Variants in TDRD3 observed in about 807,000 individuals in gnomAD.
The protein encoded by TDRD3 is tudor domain-containing protein 3.
Under a neutral mutation model 86.7 loss-of-function variants are expected in TDRD3, and 45 were observed. That is an observed-to-expected ratio of 0.52 (90% CI 0.41 to 0.67). The LOEUF (loss-of-function observed/expected upper bound fraction) is 0.67, where lower values mean the gene tolerates loss of function less well. Among genes scored for constraint, TDRD3 ranks in the 30% least tolerant of loss-of-function variants. TDRD3 has a pLI of 0.00. For missense variants in TDRD3, 814 were observed against 889.0 expected, an observed-to-expected ratio of 0.92 and a Z score of 1.07; for synonymous variants, 298 against 301.7, an observed-to-expected ratio of 0.99 and a Z score of 0.13.
At chr13:60,445,534 A>T (rs1955377813) in intron 3 of TDRD3, among the ~76,000 whole-genome samples, 1 of 152,112 alleles carries the variant, frequency 6.6e-6, no homozygotes, top group Non-Finnish European at 1.5e-5. Flanking sequence ...GCTATCTCAG[A>T]CTTCAGTGTG....
At chr13:60,520,729 C>T (rs532004413) in intron 10 of TDRD3, among the ~76,000 whole-genome samples, 1 of 152,136 alleles carries the variant, frequency 6.6e-6, no homozygotes. Context: ...AGAGCGTTGA[C>T]GACACCACCA....
At chr13:60,548,931 A>T (rs1271696825) in intron 12 of TDRD3, among the ~76,000 whole-genome samples, 2 of 152,148 alleles carry the variant, frequency 1.3e-5, no homozygotes, top group African/African-American at 4.8e-5. Context: ...TTGCTTGGAG[A>T]TTATCATTGT....
chr13:60,412,174 C>T (rs1459687075), intron 1 of TDRD3, among the ~76,000 whole-genome samples: 1 of 152,168 alleles, frequency 6.6e-6, no homozygotes, highest in Non-Finnish European at 1.5e-5. Flanking sequence ...CATATCCAAT[C>T]ATGTGACAGT....
At chr13:60,407,216 G>A (rs551216865) in intron 1 of TDRD3, among the ~76,000 whole-genome samples, 1 of 152,278 alleles carries the variant, frequency 6.6e-6, no homozygotes, top group East Asian at 1.9e-4. Context: ...GTAAGGGAAA[G>A]ATCAAGTCTT....
Position 60,405,782 on chromosome 13 carries a change from G to A in TDRD3, c.41+8377G>A, listed in dbSNP as rs202247036. Reference sequence around the variant, plus strand: ...AGTTGAATAGTTTTAATCATGATGTGAGGGTTATGGTGGGAATAACATCAT... The same window carrying A: ...AGTTGAATAGTTTTAATCATGATGTAAGGGTTATGGTGGGAATAACATCAT... On this transcript the variant is annotated intron_variant, in intron 1 of 13. Transcript: ENST00000377881. 2.0e-5 allele frequency among the ~76,000 whole-genome samples: 3 copies of A among 152,182 alleles called. No individual in the cohort carries two copies. The East Asian group carries it at 5.8e-4, about 29-fold the overall frequency.
At chr13:60,535,567 T>G in intron 12 of TDRD3, 1 of 157,720 alleles carries the variant, frequency 6.3e-6, no homozygotes, top group Non-Finnish European at 1.4e-5. Context: ...TGAATTTTAC[T>G]AAATTATGTC....
chr13:60,478,999 G>T (rs991131607), intron 5 of TDRD3, among the ~76,000 whole-genome samples: 2 of 151,654 alleles, frequency 1.3e-5, no homozygotes, highest in African/African-American at 2.4e-5. Context: ...AGTAGACAGG[G>T]TGTCACCATC....
At chr13:60,464,901 C>G (rs1250947858) in intron 4 of TDRD3, among the ~76,000 whole-genome samples, 2 of 152,110 alleles carry the variant, frequency 1.3e-5, no homozygotes, top group East Asian at 3.9e-4. Context: ...CTATAGTTAA[C>G]AGTAATTTAT....
intron 12 of TDRD3, among the ~76,000 whole-genome samples, chr13:60,565,495 T>TAGATA (rs1958438144): frequency 6.6e-6 from 1 of 152,224 alleles, no homozygotes; most frequent in Non-Finnish European, 1.5e-5. Context: ...GTTCAGTTCG[T>TAGATA]GAATTCTTTA....
chr13:60,554,312 T>C (rs912052826), intron 12 of TDRD3, among the ~76,000 whole-genome samples: 2 of 152,246 alleles, frequency 1.3e-5, no homozygotes, highest in African/African-American at 2.4e-5. Context: ...TATTGTATCA[T>C]GCATTTTGTA....
intron 1 of TDRD3, among the ~76,000 whole-genome samples, chr13:60,402,182 T>C (rs1376615594): frequency 6.6e-6 from 1 of 152,206 alleles, no homozygotes; most frequent in Non-Finnish European, 1.5e-5. Flanking sequence ...GACTAAGAAA[T>C]TCAGATACCC....
rs539193974 is a variant in TDRD3 at position 60,457,511 on chromosome 13, G to C, written c.193-2869G>C. 1.2e-4 allele frequency among the ~76,000 whole-genome samples: 18 copies of C among 152,292 alleles called. 1 individual carries two copies. The highest frequency in any genetic ancestry group is 1.2e-3 in the Admixed American group (18 of 15,294). ...AGTGCCCCCTCCCTCATGTTCCCTA[G>C]CTAGGCTAGATCTCAAGAGGAAGAT... On this transcript the variant is annotated intron_variant, in intron 3 of 13. Transcript: ENST00000377881.
intron 1 of TDRD3, among the ~76,000 whole-genome samples, chr13:60,428,744 C>T (rs946997045): frequency 1.3e-5 from 2 of 152,178 alleles, no homozygotes; most frequent in African/African-American, 4.8e-5. Flanking sequence ...GACAGTGGTT[C>T]TGTCCAGGTG....
intron 3 of TDRD3, among the ~76,000 whole-genome samples, chr13:60,451,603 A>G (rs1056572534): frequency 1.3e-5 from 2 of 152,128 alleles, no homozygotes; most frequent in African/African-American, 4.8e-5. Flanking sequence ...GCACACATAT[A>G]ACAGTTTCCC....
At chr13:60,449,777 A>G (rs940383501) in intron 3 of TDRD3, among the ~76,000 whole-genome samples, 1 of 152,096 alleles carries the variant, frequency 6.6e-6, no homozygotes, top group Non-Finnish European at 1.5e-5. Context: ...TATAATTTAG[A>G]AAGTTTTAAT....
chr13:60,467,557 A>G (rs577588342), intron 5 of TDRD3, among the ~76,000 whole-genome samples, 178 bp downstream of exon 5: 2 of 152,324 alleles, frequency 1.3e-5, no homozygotes, highest in African/African-American at 4.8e-5. Flanking sequence ...AAGTAGATAT[A>G]CTTTTTCAGT....
intron 8 of TDRD3, among the ~76,000 whole-genome samples, chr13:60,499,832 C>A (rs902311651): frequency 7.9e-5 from 12 of 152,170 alleles, no homozygotes; most frequent in Admixed American, 7.2e-4. Flanking sequence ...TTGGAGGCAA[C>A]ACATTACTCA....
chr13:60,459,074 T>G (rs187002087), intron 3 of TDRD3, among the ~76,000 whole-genome samples: 2 of 152,238 alleles, frequency 1.3e-5, no homozygotes, highest in Non-Finnish European at 2.9e-5. Flanking sequence ...TTTCCAATTA[T>G]GTTCTCTAGG....
chr13:60,444,644 T>C, intron 2 of TDRD3, 39 bp from the exon 3 acceptor site: 1 of 1,144,854 alleles, frequency 8.7e-7, no homozygotes. Context: ...ATTTACTCTT[T>C]TCTATAATTC....
Sources: allele counts gnomAD v4.1 joint callset (sites outside exome capture counted in the v4.1 genomes callset), GRCh38; gene constraint gnomAD v4.1.1; transcripts MANE v1.5; gene names NCBI Gene and HGNC (gene_info 2026-07-23, HGNC 2026-07-21).